Variants in TGFBR3 observed in about 807,000 individuals in gnomAD.
The protein encoded by TGFBR3 is transforming growth factor beta receptor 3.
Under a neutral mutation model 87.9 loss-of-function variants are expected in TGFBR3, and 46 were observed. That is an observed-to-expected ratio of 0.52 (90% CI 0.41 to 0.67). TGFBR3 has a LOEUF of 0.67. TGFBR3 is among the 30% of genes least tolerant of loss of function. The probability of loss-of-function intolerance (pLI) is 0.00; values close to 1 mark genes in which losing one functional copy is unlikely to be tolerated. For synonymous variants in TGFBR3, 381 were observed against 391.6 expected, an observed-to-expected ratio of 0.97 and a Z score of 0.32; for missense variants, 866 against 1,041.9, an observed-to-expected ratio of 0.83 and a Z score of 2.32.
intron 2 of TGFBR3, among the ~76,000 whole-genome samples, chr1:91,856,530 C>T (rs1677962782): frequency 6.6e-6 from 1 of 152,136 alleles, no homozygotes; most frequent in Admixed American, 6.5e-5. Context: ...AAGCAGGCTC[C>T]TATTATTCTA....
intron 2 of TGFBR3, among the ~76,000 whole-genome samples, chr1:91,824,084 T>A (rs1008806900): frequency 2.6e-5 from 4 of 152,140 alleles, no homozygotes; most frequent in Non-Finnish European, 5.9e-5. Context: ...GAGCCGAGAC[T>A]GTACCACTGC....
chr1:91,693,806 G>A (rs543375773), intron 16 of TGFBR3, among the ~76,000 whole-genome samples: 1 of 152,326 alleles, frequency 6.6e-6, no homozygotes, highest in South Asian at 2.1e-4. Flanking sequence ...TCTCAGCCAG[G>A]CAGGAGGTTG....
upstream of TGFBR3, among the ~76,000 whole-genome samples, chr1:91,887,276 C>T (rs541419263): frequency 2.0e-5 from 1 of 48,804 alleles, no homozygotes; most frequent in Non-Finnish European, 4.0e-5. Context: ...GATGGAGTCT[C>T]GCCCTGTCGC....
intron 3 of TGFBR3, among the ~76,000 whole-genome samples, chr1:91,769,720 G>A (rs1014433930): frequency 1.3e-5 from 2 of 151,418 alleles, no homozygotes; most frequent in African/African-American, 2.4e-5. Context: ...GACACAAACC[G>A]ATCACTCTCA....
intron 6 of TGFBR3, 30 bp downstream of exon 6, chr1:91,729,773 CTT>C: frequency 6.2e-7 from 1 of 1,613,526 alleles, no homozygotes; most frequent in Non-Finnish European, 8.5e-7. Flanking sequence ...ACTTTCATCT[CTT>C]GTCACACTCA....
At chr1:91,726,537 A>C (rs1461108999) in intron 7 of TGFBR3, among the ~76,000 whole-genome samples, 3 of 152,002 alleles carry the variant, frequency 2.0e-5, no homozygotes, top group African/African-American at 4.8e-5. Flanking sequence ...AAAAAAAAAA[A>C]AAACCCACGG....
At chr1:91,757,123 G>C (rs927122862) in intron 4 of TGFBR3, among the ~76,000 whole-genome samples, 19 of 152,242 alleles carry the variant, frequency 1.2e-4, no homozygotes, top group Admixed American at 1.1e-3. Context: ...CATGTGTCTT[G>C]TCTTTTTGTC....
intron 16 of TGFBR3, among the ~76,000 whole-genome samples, chr1:91,689,341 C>T (rs1671194818): frequency 6.6e-6 from 1 of 152,164 alleles, no homozygotes; most frequent in African/African-American, 2.4e-5. Context: ...CTGCCTGAGC[C>T]AATCTGCTTA....
At chr1:91,796,557 AGT>A (rs1675389785) in intron 3 of TGFBR3, among the ~76,000 whole-genome samples, 1 of 152,164 alleles carries the variant, frequency 6.6e-6, no homozygotes, top group Non-Finnish European at 1.5e-5. Flanking sequence ...TTTATTCCAG[AGT>A]GTTCCCATTT....
intron 4 of TGFBR3, among the ~76,000 whole-genome samples, chr1:91,743,061 C>A (rs1398867398): frequency 2.6e-5 from 4 of 152,144 alleles, no homozygotes; most frequent in Non-Finnish European, 5.9e-5. Context: ...AAGTCCTCAG[C>A]GGATCCACGG....
chr1:91,849,325 T>C (rs1420203274), intron 2 of TGFBR3, among the ~76,000 whole-genome samples: 2 of 152,044 alleles, frequency 1.3e-5, no homozygotes, highest in African/African-American at 4.8e-5. Flanking sequence ...ACCCGCACCG[T>C]CTCCCACCCC....
At chr1:91,762,094 G>A (rs1285444077) in intron 3 of TGFBR3, among the ~76,000 whole-genome samples, 1 of 152,148 alleles carries the variant, frequency 6.6e-6, no homozygotes, top group Non-Finnish European at 1.5e-5. Flanking sequence ...TTGAACACTG[G>A]GACCATGCAA....
intron 3 of TGFBR3, among the ~76,000 whole-genome samples, chr1:91,759,695 T>C (rs1673889490): frequency 6.6e-6 from 1 of 152,166 alleles, no homozygotes; most frequent in South Asian, 2.1e-4. Flanking sequence ...GAATCACATA[T>C]TTAAACAGAG....
chr1:91,904,281 G>A (rs1037569587), intron 1 of TGFBR3, among the ~76,000 whole-genome samples: 3 of 149,974 alleles, frequency 2.0e-5, no homozygotes, highest in Admixed American at 6.7e-5. Context: ...GAAAGATCAG[G>A]GCTTGGATTT....
intron 2 of TGFBR3, among the ~76,000 whole-genome samples, chr1:91,812,230 T>C (rs1479968991): frequency 6.6e-6 from 1 of 152,236 alleles, no homozygotes; most frequent in Non-Finnish European, 1.5e-5. Flanking sequence ...CTTCTCTCAG[T>C]ATTTCATATT....
intron 3 of TGFBR3, among the ~76,000 whole-genome samples, chr1:91,782,781 T>C (rs777161679): frequency 6.6e-6 from 1 of 152,112 alleles, no homozygotes; most frequent in Non-Finnish European, 1.5e-5. Flanking sequence ...GCAGTTGCTA[T>C]ACCTCTCTGC....
chr1:91,774,821 A>T (rs967921863), intron 3 of TGFBR3, among the ~76,000 whole-genome samples: 1 of 152,136 alleles, frequency 6.6e-6, no homozygotes, highest in Non-Finnish European at 1.5e-5. Context: ...TTCACTGGCT[A>T]CTCCAGAAGC....
At chr1:91,876,926 A>G (rs1678833073) in intron 1 of TGFBR3, among the ~76,000 whole-genome samples, 1 of 151,964 alleles carries the variant, frequency 6.6e-6, no homozygotes, top group African/African-American at 2.4e-5. Flanking sequence ...CAACTCCCAA[A>G]TGATCATTTT....
intron 15 of TGFBR3, among the ~76,000 whole-genome samples, chr1:91,697,394 A>G (rs1014151418): frequency 1.3e-5 from 2 of 152,228 alleles, no homozygotes; most frequent in Non-Finnish European, 1.5e-5. Context: ...TTAGGAAAGG[A>G]AAAAAAGCAC....
Sources: gnomAD v4.1 joint callset for allele counts (sites outside exome capture counted in the v4.1 genomes callset) on GRCh38, gnomAD v4.1.1 for gene constraint, MANE v1.5 for transcripts, NCBI Gene and HGNC (gene_info 2026-07-23, HGNC 2026-07-21) for gene names.